Variants in CTNNA3 observed in about 807,000 individuals in gnomAD.
The protein encoded by CTNNA3 is catenin alpha-3.
Under a neutral mutation model 95.7 loss-of-function variants are expected in CTNNA3, and 76 were observed. The observed-to-expected ratio is 0.79, with a 90% CI of 0.66 to 0.96. CTNNA3 has a LOEUF of 0.96. Among genes scored for constraint, CTNNA3 ranks in the 40% least tolerant of loss-of-function variants. CTNNA3 has a pLI of 0.00. For missense variants in CTNNA3, 1,191 were observed against 1,089.8 expected (o/e 1.09, Z -1.31); for synonymous variants, 431 against 374.4 (o/e 1.15, Z -1.74).
rs1258580974 is a variant in CTNNA3, at chr10:66,280,455, G to T, written c.1884+15C>A. On this transcript the variant is annotated intron_variant, in intron 13 of 17. Transcript: ENST00000433211. ...GAACATTGCAATAATTCAATGGAAG[G>T]AAAAGCAAACTTACCCGAATCATCA... The T allele has an allele frequency of 6.3e-7, 1 of 1,599,266 alleles. No homozygotes were observed. Among genetic ancestry groups the T allele is most frequent in the Admixed American group, 1.7e-5 (1 of 57,858 alleles).
chr10:66,304,469 A>C (rs913158644), intron 12 of CTNNA3, among the ~76,000 whole-genome samples: 3 of 152,072 alleles, frequency 2.0e-5, no homozygotes, highest in African/African-American at 7.2e-5. Context: ...TAACAGAAGA[A>C]AGAGAAAAAG....
At chr10:66,862,030 T>TA (rs1843951704) in intron 7 of CTNNA3, among the ~76,000 whole-genome samples, 1 of 151,968 alleles carries the variant, frequency 6.6e-6, no homozygotes, top group South Asian at 2.1e-4. Flanking sequence ...GCCAGACTGA[T>TA]ATGGTGAAAA....
intron 2 of CTNNA3, among the ~76,000 whole-genome samples, chr10:67,633,653 C>T (rs1159475282): frequency 6.6e-6 from 1 of 152,034 alleles, no homozygotes; most frequent in African/African-American, 2.4e-5. Flanking sequence ...GAAGAGTGAC[C>T]TGACTGTTAA....
At chr10:67,491,770 GTAA>G (rs1276862220) in intron 5 of CTNNA3, among the ~76,000 whole-genome samples, 22 of 152,032 alleles carry the variant, frequency 1.4e-4, no homozygotes, top group Admixed American at 1.4e-3. Context: ...AATCCTTCCA[GTAA>G]TAATATTTAG....
At chr10:67,215,950 C>T (rs1864339611) in intron 6 of CTNNA3, among the ~76,000 whole-genome samples, 1 of 151,988 alleles carries the variant, frequency 6.6e-6, no homozygotes, top group Non-Finnish European at 1.5e-5. Flanking sequence ...GTATCAGCCT[C>T]AAATAATTTC....
intron 7 of CTNNA3, among the ~76,000 whole-genome samples, chr10:67,075,234 GA>G (rs746154325): frequency 1.3e-5 from 2 of 151,072 alleles, no homozygotes; most frequent in Non-Finnish European, 2.9e-5. Context: ...CAATTTTAAA[GA>G]AAAATATAAT....
At chr10:66,063,179 A>G (rs111360024) in intron 15 of CTNNA3, among the ~76,000 whole-genome samples, 37 of 144,762 alleles carry the variant, frequency 2.6e-4, no homozygotes, top group African/African-American at 8.5e-4. Flanking sequence ...CTTTCCAGCC[A>G]ATGACTGGAT....
chr10:66,287,213 T>C (rs1406906373), intron 12 of CTNNA3, among the ~76,000 whole-genome samples: 1 of 152,068 alleles, frequency 6.6e-6, no homozygotes, highest in African/African-American at 2.4e-5. Flanking sequence ...GAGGATCACT[T>C]GAGCCAAGGA....
chr10:67,306,366 A>G (rs535510106), intron 5 of CTNNA3, among the ~76,000 whole-genome samples: 2 of 152,258 alleles, frequency 1.3e-5, no homozygotes, highest in Admixed American at 1.3e-4. Flanking sequence ...GTTGGAATAA[A>G]CTCCCAAAAG....
intron 11 of CTNNA3, among the ~76,000 whole-genome samples, chr10:66,471,627 C>T (rs147456854): frequency 5.3e-4 from 80 of 151,834 alleles, no homozygotes; most frequent in African/African-American, 1.7e-3. Context: ...AAACTGAATA[C>T]ATTAAATAAT....
At chr10:67,284,289 T>C (rs960883673) in intron 5 of CTNNA3, among the ~76,000 whole-genome samples, 1 of 152,220 alleles carries the variant, frequency 6.6e-6, no homozygotes, top group Non-Finnish European at 1.5e-5. Context: ...CACTCTGCCA[T>C]TTCAAAAGTA....
chr10:67,731,257 C>T (rs1248890176), intron 1 of CTNNA3, among the ~76,000 whole-genome samples: 6 of 152,156 alleles, frequency 3.9e-5, no homozygotes, highest in Admixed American at 6.5e-5. Context: ...GTGGCTCACA[C>T]CTCTAATCCC....
chr10:66,174,214 A>C (rs921448659), intron 13 of CTNNA3, among the ~76,000 whole-genome samples: 2 of 152,160 alleles, frequency 1.3e-5, no homozygotes, highest in African/African-American at 4.8e-5. Context: ...CCCAAGGCCC[A>C]GGCTCTTATT....
intron 9 of CTNNA3, among the ~76,000 whole-genome samples, chr10:66,682,484 G>A (rs1269847804): frequency 1.3e-5 from 2 of 152,060 alleles, no homozygotes; most frequent in East Asian, 3.9e-4. Context: ...AAAAAAGACA[G>A]ACATAGAGAG....
chr10:66,659,338 CTT>C (rs531541035), intron 9 of CTNNA3, among the ~76,000 whole-genome samples: 41 of 152,118 alleles, frequency 2.7e-4, no homozygotes, highest in Non-Finnish European at 3.8e-4. Flanking sequence ...GAGGAGGTAA[CTT>C]TGAGTAGAGA....
chr10:66,180,647 C>T (rs2085990301), intron 13 of CTNNA3, among the ~76,000 whole-genome samples: 1 of 152,090 alleles, frequency 6.6e-6, no homozygotes, highest in Non-Finnish European at 1.5e-5. Context: ...TTGCCATACG[C>T]CCTGGGAAAC....
At chr10:66,410,168 C>T (rs1054938999) in intron 11 of CTNNA3, among the ~76,000 whole-genome samples, 3 of 152,188 alleles carry the variant, frequency 2.0e-5, no homozygotes, top group African/African-American at 4.8e-5. Context: ...TAACTAAATA[C>T]ATTTAAGGAT....
intron 15 of CTNNA3, among the ~76,000 whole-genome samples, chr10:66,059,323 G>T (rs1384529367): frequency 6.6e-6 from 1 of 152,054 alleles, no homozygotes; most frequent in Admixed American, 6.6e-5. Flanking sequence ...AATGAAGACA[G>T]CTGGATAATG....
intron 1 of CTNNA3, among the ~76,000 whole-genome samples, chr10:67,667,066 C>T (rs1840344475): frequency 6.6e-6 from 1 of 152,166 alleles, no homozygotes; most frequent in Non-Finnish European, 1.5e-5. Flanking sequence ...AGGATAAAAT[C>T]TCTCTTCAAA....
Sources: gnomAD v4.1 joint callset for allele counts (sites outside exome capture counted in the v4.1 genomes callset) on GRCh38, gnomAD v4.1.1 for gene constraint, MANE v1.5 for transcripts, NCBI Gene and HGNC (gene_info 2026-07-23, HGNC 2026-07-21) for gene names.